PALLD: variants seen among roughly 807,000 people sequenced by gnomAD.
PALLD encodes palladin, cytoskeletal associated protein, also known as palladin.
PALLD carries 61 observed loss-of-function variants against 123.5 expected under a neutral mutation model. The observed-to-expected ratio is 0.49, with a 90% CI of 0.40 to 0.61. The LOEUF (loss-of-function observed/expected upper bound fraction) is 0.61, where lower values mean the gene tolerates loss of function less well. Ranked by LOEUF, PALLD falls within the 20% of genes least tolerant of loss-of-function variation. The pLI is 0.00. For synonymous variants in PALLD, 465 were observed against 496.4 expected (o/e 0.94, Z 0.84); for missense variants, 1,273 against 1,377.0 (o/e 0.92, Z 1.20).
rs587780198 is a variant in PALLD at position 168,903,811 on chromosome 4, A to G, written c.2527A>G (p.Ile843Val). Reference sequence around the variant, plus strand: ...CTCTCCAAAGAGTGATCACTACACCATTCAAAGAGATCTCGATGGGACCTG... The same window carrying G: ...CTCTCCAAAGAGTGATCACTACACCGTTCAAAGAGATCTCGATGGGACCTG... ...QISPKSDHYT[I>V]QRDLDGTCSL... The change falls in exon 15 of 22, where the codon ATT (isoleucine) becomes GTT (valine). Residue 843 changes from isoleucine to valine, a missense_variant. Physicochemically the swap from Ile to Val is conservative, Grantham distance 29. Coordinates refer to ENST00000505667, the MANE Select transcript of PALLD (RefSeq NM_001166108.2). The G allele has an allele frequency of 6.2e-7, 1 of 1,611,500 alleles. No individual in the cohort carries two copies. Among genetic ancestry groups the G allele is most frequent in the Non-Finnish European group, 8.5e-7 (1 of 1,177,624 alleles).
At chr4:168,809,685 G>A (rs1054193412) in intron 10 of PALLD, among the ~76,000 whole-genome samples, 1 of 152,104 alleles carries the variant, frequency 6.6e-6, no homozygotes, top group Admixed American at 6.5e-5. Flanking sequence ...TCAACATGGT[G>A]AAGCCCCATC....
chr4:168,825,498 C>T (rs575476074), intron 10 of PALLD, among the ~76,000 whole-genome samples: 13 of 152,234 alleles, frequency 8.5e-5, no homozygotes, highest in African/African-American at 2.4e-4. Flanking sequence ...GCAGAAGATT[C>T]GTGTATTGAT....
intron 10 of PALLD, among the ~76,000 whole-genome samples, chr4:168,756,621 G>T (rs1023010848): frequency 6.6e-6 from 1 of 152,184 alleles, no homozygotes; most frequent in African/African-American, 2.4e-5. Flanking sequence ...TGGTATTTAT[G>T]GACGTGGTGA....
chr4:168,587,428 A>G (rs1430334165), intron 2 of PALLD, among the ~76,000 whole-genome samples: 2 of 152,188 alleles, frequency 1.3e-5, no homozygotes, highest in East Asian at 1.9e-4. Flanking sequence ...ATTCAGTAGC[A>G]GGACTCCTTG....
At chr4:168,813,845 G>A (rs1193113457) in intron 10 of PALLD, among the ~76,000 whole-genome samples, 1 of 112,458 alleles carries the variant, frequency 8.9e-6, no homozygotes, top group African/African-American at 2.9e-5. Flanking sequence ...CATTCATGAA[G>A]CTTTGGAAAG....
chr4:168,822,974 G>A (rs72973266), intron 10 of PALLD, among the ~76,000 whole-genome samples: 282 of 152,072 alleles, frequency 1.9e-3, no homozygotes, highest in African/African-American at 6.3e-3. Context: ...GATACCCAAG[G>A]ATAGGGCTGC....
At chr4:168,874,652 T>TC (rs892773378) in intron 10 of PALLD, among the ~76,000 whole-genome samples, 1 of 151,268 alleles carries the variant, frequency 6.6e-6, no homozygotes, top group Non-Finnish European at 1.5e-5. Context: ...GCCACAGATT[T>TC]TTTTTTTTAA....
chr4:168,843,967 T>C (rs113418684), intron 10 of PALLD: 1 of 152,254 alleles, frequency 6.6e-6, no homozygotes, highest in African/African-American at 2.4e-5. Context: ...GCATATCTAC[T>C]AAGAACTTTA....
At chr4:168,629,375 A>G (rs1488443661) in intron 2 of PALLD, among the ~76,000 whole-genome samples, 3 of 152,148 alleles carry the variant, frequency 2.0e-5, no homozygotes, top group African/African-American at 7.2e-5. Context: ...GCCAAAAGAA[A>G]CCTGGAAGTC....
Position 168,813,180 on chromosome 4 carries a change from A to T in PALLD, c.1965-77742A>T, listed in dbSNP as rs181047209. Among the ~76,000 whole-genome samples the T allele has an allele frequency of 1.3e-3, 199 of 152,202 alleles. 1 individual carries two copies. The highest frequency in any genetic ancestry group is 2.1e-3 in the Non-Finnish European group (145 of 68,008). ...ACCGAGGTGATGTATTTTTTCCTCA[A>T]ATTATTATAACTCCCAGTAAAAATT... On this transcript the variant is annotated intron_variant, in intron 10 of 21. Coordinates refer to ENST00000505667, the MANE Select transcript of PALLD (RefSeq NM_001166108.2).
chr4:168,665,573 A>G (rs1262401095), intron 2 of PALLD, among the ~76,000 whole-genome samples: 1 of 151,300 alleles, frequency 6.6e-6, no homozygotes, highest in Non-Finnish European at 1.5e-5. Context: ...AAAAACAAAC[A>G]AAAAAAATGG....
At chr4:168,763,744 C>T (rs952718682) in intron 10 of PALLD, among the ~76,000 whole-genome samples, 1 of 152,102 alleles carries the variant, frequency 6.6e-6, no homozygotes, top group Non-Finnish European at 1.5e-5. Flanking sequence ...GTACCCTGGC[C>T]ATGGTTTTTG....
At chr4:168,786,888 T>C (rs1298297235) in intron 10 of PALLD, among the ~76,000 whole-genome samples, 1 of 152,198 alleles carries the variant, frequency 6.6e-6, no homozygotes, top group Non-Finnish European at 1.5e-5. Flanking sequence ...TGAAAAGCTG[T>C]GGTTTGCAAC....
In PALLD at chr4:168,898,659, T is replaced by C; in HGVS notation, c.2417T>C (p.Phe806Ser). Residue 806 changes from phenylalanine to serine, a missense_variant, in exon 14 of 22, where the codon TTT (phenylalanine) becomes TCT (serine). Transcript: ENST00000505667. ...FEMKLKHYKI[F>S]EGMPVTFTCR... ...ATGAAGCTGAAACATTACAAGATCT[T>C]TGAGGGAATGCCAGTAACTTTCACA... The C allele has an allele frequency of 6.2e-7, 1 of 1,614,108 alleles. No homozygotes were observed. Among genetic ancestry groups the C allele is most frequent in the South Asian group, 1.1e-5 (1 of 91,074 alleles).
At chr4:168,775,203 T>C (rs1735013443) in intron 10 of PALLD, among the ~76,000 whole-genome samples, 1 of 152,212 alleles carries the variant, frequency 6.6e-6, no homozygotes, top group Admixed American at 6.5e-5. Flanking sequence ...AGTCTGCACA[T>C]GGTATCATTA....
At chr4:168,714,475 T>C (rs1015459704) in intron 10 of PALLD, among the ~76,000 whole-genome samples, 7 of 152,226 alleles carry the variant, frequency 4.6e-5, no homozygotes, top group African/African-American at 1.7e-4. Context: ...CTACAAATAA[T>C]GTAGAACAGC....
chr4:168,529,437 C>T (rs540306030), intron 2 of PALLD, among the ~76,000 whole-genome samples: 6 of 152,080 alleles, frequency 3.9e-5, no homozygotes, highest in East Asian at 3.9e-4. Context: ...GGGAGCCAGG[C>T]GAAGGGGGAG....
intron 2 of PALLD, 122 bp from the exon 3 acceptor site, chr4:168,668,068 T>C (rs532195668): frequency 7.5e-6 from 6 of 796,874 alleles, no homozygotes; most frequent in African/African-American, 6.8e-5. Flanking sequence ...TGACATTGTT[T>C]TTTTTTTAAT....
chr4:168,925,088 A>T lies in PALLD; in HGVS notation c.3358+10A>T, dbSNP rs776310817. On this transcript the variant is annotated intron_variant, in intron 20 of 21. Coordinates refer to ENST00000505667, the MANE Select transcript of PALLD (RefSeq NM_001166108.2). The stretch of plus-strand genomic sequence containing the variant: ...AGGCTGGACGTTTACAGTGAGTGCC[A>T]CTTCATCTCATTTCATTGCGTTTAC... 21 of 1,613,854 alleles carry T rather than the reference A, an allele frequency of 1.3e-5. No individual in the cohort carries two copies. In the South Asian group the frequency reaches 2.2e-4, roughly 17 times the overall value.
Sources: gnomAD v4.1 joint callset for allele counts (sites outside exome capture counted in the v4.1 genomes callset) on GRCh38, gnomAD v4.1.1 for gene constraint, MANE v1.5 for transcripts, NCBI Gene and HGNC (gene_info 2026-07-23, HGNC 2026-07-21) for gene names.